The following DNM3 variants were observed in gnomAD, a reference collection of about 807,000 sequenced individuals.
DNM3 encodes dynamin-3.
In DNM3, 47 loss-of-function variants were observed where a neutral mutation model predicts 101.6. That is an observed-to-expected ratio of 0.46 (90% CI 0.37 to 0.59). The LOEUF is 0.59. DNM3 is among the 20% of genes least tolerant of loss of function. The probability of loss-of-function intolerance (pLI) is 0.00; values close to 1 mark genes in which losing one functional copy is unlikely to be tolerated. For synonymous variants in DNM3, 385 were observed against 387.9 expected (o/e 0.99, Z 0.09); for missense variants, 849 against 1,085.7 (o/e 0.78, Z 3.06).
At chr1:171,968,056 A>G (rs1392214651) in intron 2 of DNM3, among the ~76,000 whole-genome samples, 1 of 152,300 alleles carries the variant, frequency 6.6e-6, no homozygotes, top group Non-Finnish European at 1.5e-5. Context: ...TGCCACTACA[A>G]CTTAATCTCT....
intron 20 of DNM3, among the ~76,000 whole-genome samples, chr1:172,390,540 G>A (rs900033350): frequency 3.0e-4 from 46 of 152,140 alleles, no homozygotes; most frequent in African/African-American, 1.1e-3. Flanking sequence ...TTCAGTTGCA[G>A]TCCCCAGTTG....
At chr1:171,846,335 G>A (rs1310986854) in intron 1 of DNM3, among the ~76,000 whole-genome samples, 1 of 152,126 alleles carries the variant, frequency 6.6e-6, no homozygotes, top group African/African-American at 2.4e-5. Flanking sequence ...GACTGGATAG[G>A]ATATCTCTGT....
intron 1 of DNM3, among the ~76,000 whole-genome samples, chr1:171,888,451 CT>C (rs960890435): frequency 6.6e-5 from 10 of 152,154 alleles, no homozygotes; most frequent in African/African-American, 1.2e-4. Context: ...CTAATGTCAA[CT>C]GGGAGTGTAA....
At chr1:171,878,434 T>G (rs1320913045) in intron 1 of DNM3, among the ~76,000 whole-genome samples, 1 of 152,126 alleles carries the variant, frequency 6.6e-6, no homozygotes, top group Non-Finnish European at 1.5e-5. Context: ...AATTGGATTT[T>G]TGGAAATTTA....
At chr1:172,029,118 T>G (rs1271116682) in intron 4 of DNM3, among the ~76,000 whole-genome samples, 1 of 152,100 alleles carries the variant, frequency 6.6e-6, no homozygotes, top group African/African-American at 2.4e-5. Context: ...AAAGAAAATT[T>G]CAGGCCAATA....
intron 17 of DNM3, among the ~76,000 whole-genome samples, chr1:172,332,900 A>T (rs554340181): frequency 6.6e-6 from 1 of 152,224 alleles, no homozygotes; most frequent in African/African-American, 2.4e-5. Context: ...AGGCAGTTAC[A>T]TATGTAAATC....
At chr1:172,112,190 C>A (rs2147952809) in intron 13 of DNM3, among the ~76,000 whole-genome samples, 1 of 152,264 alleles carries the variant, frequency 6.6e-6, no homozygotes, top group South Asian at 2.1e-4. Context: ...TTCTTACATA[C>A]CAGCCTTGTG....
intron 14 of DNM3, among the ~76,000 whole-genome samples, chr1:172,164,382 A>G (rs1197672141): frequency 6.6e-6 from 1 of 151,914 alleles, no homozygotes; most frequent in Non-Finnish European, 1.5e-5. Context: ...CTCTGAGACT[A>G]CAGCAATCAC....
chr1:172,309,172 A>T (rs900226177), intron 16 of DNM3: 2 of 232,868 alleles, frequency 8.6e-6, no homozygotes, highest in Admixed American at 1.1e-4. Context: ...TCATGGTATT[A>T]ATACAATCAG....
At chr1:171,946,551 T>C (rs1253192052) in intron 2 of DNM3, among the ~76,000 whole-genome samples, 4 of 152,210 alleles carry the variant, frequency 2.6e-5, no homozygotes, top group African/African-American at 7.2e-5. Flanking sequence ...GCTTATTTGC[T>C]GTTGGCTAGA....
chr1:172,256,677 C>T (rs2062411937), intron 15 of DNM3, among the ~76,000 whole-genome samples: 1 of 151,614 alleles, frequency 6.6e-6, no homozygotes, highest in Admixed American at 6.6e-5. Context: ...CCAATAATTT[C>T]TGTTCTCTTA....
intron 14 of DNM3, among the ~76,000 whole-genome samples, chr1:172,244,263 C>T (rs1350190165): frequency 5.9e-5 from 9 of 151,922 alleles, no homozygotes; most frequent in African/African-American, 1.5e-4. Flanking sequence ...TCCAGTCTAT[C>T]GTTGTTGGAC....
chr1:172,150,147 A>G (rs1276325043), intron 14 of DNM3, among the ~76,000 whole-genome samples: 1 of 152,160 alleles, frequency 6.6e-6, no homozygotes, highest in Non-Finnish European at 1.5e-5. Context: ...TACTTTAACT[A>G]GCCTTCTCAA....
At chr1:171,939,517 T>C (rs1039892726) in intron 2 of DNM3, among the ~76,000 whole-genome samples, 1 of 152,156 alleles carries the variant, frequency 6.6e-6, no homozygotes, top group African/African-American at 2.4e-5. Flanking sequence ...CCATGTAATG[T>C]CTACTCCAGA....
chr1:171,901,332 A>G (rs1459125694), intron 1 of DNM3, among the ~76,000 whole-genome samples: 3 of 152,076 alleles, frequency 2.0e-5, no homozygotes, highest in Non-Finnish European at 4.4e-5. Flanking sequence ...GAGAGACAAG[A>G]GGTGAATGAA....
At chr1:172,057,363 G>A (rs948658608) in intron 10 of DNM3, among the ~76,000 whole-genome samples, 9 of 151,828 alleles carry the variant, frequency 5.9e-5, no homozygotes, top group African/African-American at 1.9e-4. Flanking sequence ...GATACTCCTC[G>A]AGAAGAGCAA....
At chr1:172,084,085 G>A (rs542624696) in intron 12 of DNM3, among the ~76,000 whole-genome samples, 1 of 152,128 alleles carries the variant, frequency 6.6e-6, no homozygotes, top group Non-Finnish European at 1.5e-5. Flanking sequence ...CAACAATCCA[G>A]GTTGTTTTTC....
intron 1 of DNM3, among the ~76,000 whole-genome samples, chr1:171,872,148 T>C (rs1282849237): frequency 6.6e-6 from 1 of 152,106 alleles, no homozygotes; most frequent in African/African-American, 2.4e-5. Context: ...ACAGAGATCA[T>C]CACATTTGAG....
chr1:172,104,204 T>A (rs776292456), intron 13 of DNM3, among the ~76,000 whole-genome samples: 1 of 152,226 alleles, frequency 6.6e-6, no homozygotes, highest in Non-Finnish European at 1.5e-5. Flanking sequence ...ATCTATCTCT[T>A]GACTTTCAGT....
Sources: allele counts gnomAD v4.1 joint callset (sites outside exome capture counted in the v4.1 genomes callset), GRCh38; gene constraint gnomAD v4.1.1; transcripts MANE v1.5; gene names NCBI Gene and HGNC (gene_info 2026-07-23, HGNC 2026-07-21).